RNGTT: variants seen among roughly 807,000 people sequenced by gnomAD.
RNGTT encodes the protein mRNA-capping enzyme.
A neutral mutation model predicts 79.3 loss-of-function variants in RNGTT; 33 were observed. The observed-to-expected ratio is 0.42, with a 90% CI of 0.32 to 0.56. The LOEUF is 0.56. Ranked by LOEUF, RNGTT falls within the 20% of genes least tolerant of loss-of-function variation. The pLI is 0.17. For missense variants in RNGTT, 497 were observed against 739.1 expected (o/e 0.67, Z 3.80); for synonymous variants, 222 against 235.9 (o/e 0.94, Z 0.54).
chr6:88,894,628 C>G (rs879267703), intron 6 of RNGTT, among the ~76,000 whole-genome samples: 1 of 152,230 alleles, frequency 6.6e-6, no homozygotes, highest in Admixed American at 6.5e-5. Flanking sequence ...ACTAGGCTAA[C>G]TAGAAGGATA....
chr6:88,626,535 T>A (rs937234310), intron 14 of RNGTT, among the ~76,000 whole-genome samples: 6 of 152,006 alleles, frequency 3.9e-5, no homozygotes, highest in Admixed American at 3.3e-4. Context: ...CAGAAGGGCA[T>A]AATACATTGG....
At chr6:88,819,387 A>C (rs1298050433) in intron 11 of RNGTT, among the ~76,000 whole-genome samples, 4 of 152,150 alleles carry the variant, frequency 2.6e-5, no homozygotes, top group African/African-American at 4.8e-5. Context: ...AGAATGAAAA[A>C]GGGCAAATTC....
chr6:88,623,351 AAT>A lies in RNGTT; in HGVS notation c.1507-8958_1507-8957del, dbSNP rs373599244. ...TATCCTATAATTAACTATATCGGTA[AAT>A]ATATGTTTTTTCAAAACTCAACTTT... On this transcript the variant is annotated intron_variant, in intron 14 of 15. Transcript: ENST00000369485. Among the ~76,000 whole-genome samples the A allele has an allele frequency of 5.0e-4, 76 of 152,144 alleles. 1 individual carries two copies. The highest frequency in any genetic ancestry group is 1.6e-3 in the African/African-American group (66 of 41,518).
intron 14 of RNGTT, among the ~76,000 whole-genome samples, chr6:88,670,076 A>G (rs1438562937): frequency 6.6e-6 from 1 of 152,234 alleles, no homozygotes; most frequent in East Asian, 1.9e-4. Context: ...GCCCTAGACT[A>G]CTTGCTAGCA....
At chr6:88,958,655 T>C (rs975812799) in intron 1 of RNGTT, among the ~76,000 whole-genome samples, 1 of 152,136 alleles carries the variant, frequency 6.6e-6, no homozygotes, top group African/African-American at 2.4e-5. Context: ...AAAACTACAA[T>C]GAGATACCAC....
rs187958731 is a variant in RNGTT at position 88,747,172 on chromosome 6, T to C, written c.1439+22602A>G. On this transcript the variant is annotated intron_variant, in intron 13 of 15. Coordinates refer to ENST00000369485, the MANE Select transcript of RNGTT (RefSeq NM_003800.5). ...TAGTAATCCAAAAGCAATATTGTGT[T>C]GGGGCAGGGGGTGGGCATCAAAATT... Among the ~76,000 whole-genome samples the C allele has an allele frequency of 2.5e-3, 385 of 152,284 alleles. 2 individuals are homozygous for C. Among genetic ancestry groups the C allele is most frequent in the African/African-American group, 8.9e-3 (369 of 41,560 alleles).
chr6:88,737,457 G>A (rs141012520), intron 13 of RNGTT, among the ~76,000 whole-genome samples: 130 of 152,284 alleles, frequency 8.5e-4, no homozygotes, highest in Admixed American at 3.6e-3. Context: ...ATGTGAGAAC[G>A]ATATAAATTG....
At chr6:88,937,527 AT>A (rs201510572) in intron 2 of RNGTT, among the ~76,000 whole-genome samples, 6,547 of 141,812 alleles carry the variant, frequency 0.046, 201 homozygotes, top group African/African-American at 0.086. Flanking sequence ...GATTCTTTGT[AT>A]TTTTTTTTTT....
At chr6:88,841,632 A>C (rs1381517033) in intron 11 of RNGTT, among the ~76,000 whole-genome samples, 1 of 152,208 alleles carries the variant, frequency 6.6e-6, no homozygotes, top group East Asian at 1.9e-4. Flanking sequence ...ATCCCACCAC[A>C]ATGCAACTTC....
intron 13 of RNGTT, among the ~76,000 whole-genome samples, chr6:88,765,153 C>T (rs1375673430): frequency 6.7e-6 from 1 of 148,900 alleles, no homozygotes; most frequent in African/African-American, 2.5e-5. Flanking sequence ...GATCCCACCA[C>T]TGCACTCCAG....
At chr6:88,890,446 C>T (rs1783008267) in intron 8 of RNGTT, 49 bp downstream of exon 8, 1 of 1,148,366 alleles carries the variant, frequency 8.7e-7, no homozygotes, top group African/African-American at 1.5e-5. Context: ...AAACAATATT[C>T]TTCAAGCATT....
intron 12 of RNGTT, among the ~76,000 whole-genome samples, chr6:88,791,203 G>A (rs1412721392): frequency 5.5e-5 from 8 of 145,646 alleles, no homozygotes; most frequent in Non-Finnish European, 1.2e-4. Context: ...TGAGTGCAGT[G>A]CCACGATCAC....
intron 12 of RNGTT, among the ~76,000 whole-genome samples, chr6:88,774,020 C>T (rs780240647): frequency 6.6e-6 from 1 of 152,048 alleles, no homozygotes; most frequent in East Asian, 1.9e-4. Flanking sequence ...AGTGAAAAGA[C>T]AACCTACAGA....
intron 4 of RNGTT, among the ~76,000 whole-genome samples, chr6:88,910,749 A>G (rs997575083): frequency 6.6e-6 from 1 of 152,214 alleles, no homozygotes; most frequent in Non-Finnish European, 1.5e-5. Flanking sequence ...AAAAAGAGTC[A>G]TATCACCTAT....
intron 13 of RNGTT, among the ~76,000 whole-genome samples, chr6:88,711,538 C>G (rs528506475): frequency 4.6e-5 from 7 of 152,170 alleles, no homozygotes; most frequent in Admixed American, 2.6e-4. Flanking sequence ...ATCTATATAA[C>G]AATTCCATGC....
At chr6:88,786,569 A>T (rs776733299) in intron 12 of RNGTT, among the ~76,000 whole-genome samples, 1 of 152,208 alleles carries the variant, frequency 6.6e-6, no homozygotes, top group Non-Finnish European at 1.5e-5. Context: ...TGATAATGAG[A>T]TGGAAAATTC....
rs1773384955 is a variant in RNGTT, at chr6:88,643,037, G to GT, written c.1507-28643dup. 3.3e-5 allele frequency among the ~76,000 whole-genome samples: 5 copies of GT among 152,146 alleles called. No homozygotes were observed. In the South Asian group the frequency reaches 1.0e-3, roughly 32 times the overall value. On this transcript the variant is annotated intron_variant, in intron 14 of 15. Transcript: ENST00000369485. Reference sequence around the variant, plus strand: ...ACAGTTACATCCTGCTTAGCCCACTGTAAGTTGAAAATATCATTAAGTCAA... The same window carrying GT: ...ACAGTTACATCCTGCTTAGCCCACTGTTAAGTTGAAAATATCATTAAGTCAA...
chr6:88,782,210 T>C (rs961400428), intron 12 of RNGTT, among the ~76,000 whole-genome samples: 3 of 152,066 alleles, frequency 2.0e-5, no homozygotes, highest in Admixed American at 1.3e-4. Context: ...ATTCTCAAAA[T>C]AGCTCCATGA....
intron 12 of RNGTT, among the ~76,000 whole-genome samples, chr6:88,793,739 T>C (rs902242844): frequency 5.9e-5 from 9 of 152,078 alleles, no homozygotes; most frequent in African/African-American, 2.2e-4. Context: ...TGGGTTGCAG[T>C]GAGCCAAGTC....
Sources: allele counts gnomAD v4.1 joint callset (sites outside exome capture counted in the v4.1 genomes callset), GRCh38; gene constraint gnomAD v4.1.1; transcripts MANE v1.5; gene names NCBI Gene and HGNC (gene_info 2026-07-23, HGNC 2026-07-21).